The following BCO2 variants were observed in gnomAD, a reference collection of about 807,000 sequenced individuals.
BCO2 encodes the protein carotenoid-cleaving dioxygenase, mitochondrial.
In BCO2, 56 loss-of-function variants were observed where a neutral mutation model predicts 65.8. The ratio of observed to expected loss-of-function variants is 0.85; its 90% CI spans 0.69 to 1.06. The LOEUF (loss-of-function observed/expected upper bound fraction) is 1.06. Among genes scored for constraint, BCO2 ranks in the 50% least tolerant of loss-of-function variants. BCO2 has a pLI of 0.00. For missense variants in BCO2, 675 were observed against 698.5 expected (o/e 0.97, Z 0.38); for synonymous variants, 233 against 242.3 (o/e 0.96, Z 0.36).
chr11:112,216,959 G>C (rs1316780363), intron 11 of BCO2, among the ~76,000 whole-genome samples: 1 of 152,196 alleles, frequency 6.6e-6, no homozygotes, highest in Non-Finnish European at 1.5e-5. Flanking sequence ...AGCGATATCT[G>C]CCATGGGCTT....
intron 8 of BCO2, among the ~76,000 whole-genome samples, chr11:112,203,915 C>T (rs1038925860): frequency 1.3e-5 from 2 of 151,720 alleles, no homozygotes; most frequent in African/African-American, 2.4e-5. Context: ...AGTGCAGTGG[C>T]GCGATCTCGG....
chr11:112,184,913 T>A (rs1867160450), intron 2 of BCO2, among the ~76,000 whole-genome samples: 1 of 152,188 alleles, frequency 6.6e-6, no homozygotes, highest in Non-Finnish European at 1.5e-5. Flanking sequence ...GGGAATGACA[T>A]ATCTTTAGTA....
rs1169131508 is a variant in BCO2 at position 112,181,463 on chromosome 11, G to A, written c.293+1981G>A. 9 of 671,166 alleles carry A rather than the reference G, an allele frequency of 1.3e-5. No homozygotes were observed. The East Asian group carries it at 2.4e-4, about 18-fold the overall frequency. 41.6% of individuals were successfully genotyped at this position (671,166 alleles called of 1,614,324 possible). On this transcript the variant is annotated intron_variant, in intron 2 of 11. Coordinates refer to ENST00000357685, the MANE Select transcript of BCO2 (RefSeq NM_031938.7). The stretch of plus-strand genomic sequence containing the variant: ...CCCAAAGTGCTGGGATTACAGGCGT[G>A]AGCCACCGCGCCCGGCCGAGCTTTC...
rs999708138 is a variant in BCO2, at chr11:112,180,817, A to C, written c.293+1335A>C. ...TCCTGAACGGCAGCCCCAAGAACGG[A>C]AAGGTAGTTGTTGTATATGGAACTT... On this transcript the variant is annotated intron_variant, in intron 2 of 11. Transcript: ENST00000357685. 15 of 1,050,254 alleles carry C rather than the reference A, an allele frequency of 1.4e-5. No individual in the cohort carries two copies. In the African/African-American group the frequency reaches 2.3e-4, roughly 16 times the overall value. 65.1% of individuals were successfully genotyped at this position (1,050,254 alleles called of 1,614,324 possible).
At chr11:112,211,031 A>T (rs1859493762) in intron 8 of BCO2, among the ~76,000 whole-genome samples, 3 of 152,130 alleles carry the variant, frequency 2.0e-5, no homozygotes. Context: ...GTTGTGCAAC[A>T]TCACCACTAT....
At chr11:112,181,806 A>C (rs1276255463) in intron 2 of BCO2, 1 of 859,482 alleles carries the variant, frequency 1.2e-6, no homozygotes, top group Non-Finnish European at 2.0e-6. Flanking sequence ...CAAAATGGCC[A>C]GTTTAAGCTG....
At position 112,202,101 on chromosome 11, in the gene BCO2, A is replaced by C; in HGVS notation, c.1105A>C (p.Ile369Leu). The change falls in exon 8 of 12, where the codon ATA (isoleucine) becomes CTA (leucine). Residue 369 changes from isoleucine (I) to leucine (L), a missense_variant. Ile to Leu is a conservative substitution (Grantham distance 5). Transcript: ENST00000357685. ...INAFEDQGCV[I>L]IDLCCQDNGR... is the part of the protein sequence containing the mutation. ...TGCCTTTGAGGACCAGGGCTGTGTTATAATTGATTTGTGCTGTCAAGATAA... is the reference window on the plus strand; with the variant it reads ...TGCCTTTGAGGACCAGGGCTGTGTTCTAATTGATTTGTGCTGTCAAGATAA... 1.9e-6 allele frequency: 3 copies of C among 1,614,040 alleles called. No homozygotes were observed. The highest frequency in any genetic ancestry group is 2.5e-6 in the Non-Finnish European group (3 of 1,179,908).
At chr11:112,181,115 A>G (rs2135347610) in intron 2 of BCO2, 1 of 1,458,372 alleles carries the variant, frequency 6.9e-7, no homozygotes, top group Non-Finnish European at 9.6e-7. Flanking sequence ...ACCTGACAGT[A>G]TGCTGGCCCA....
intron 9 of BCO2, among the ~76,000 whole-genome samples, chr11:112,214,200 G>A (rs1324616987): frequency 6.6e-6 from 1 of 152,038 alleles, no homozygotes; most frequent in African/African-American, 2.4e-5. Context: ...AGACTGGAGT[G>A]CAGTGGTGCT....
intron 2 of BCO2, among the ~76,000 whole-genome samples, chr11:112,184,861 A>G (rs1251958133): frequency 6.6e-6 from 1 of 152,126 alleles, no homozygotes; most frequent in Non-Finnish European, 1.5e-5. Flanking sequence ...ACTCATCAAC[A>G]TGAGGCAAGG....
In BCO2 at chr11:112,202,226, AT is replaced by A. The variant is rs565267570; in HGVS notation, c.1194+40del. The A allele has an allele frequency of 6.9e-5, 108 of 1,563,546 alleles. No individual in the cohort carries two copies. In the African/African-American group the frequency reaches 1.4e-3, roughly 20 times the overall value. On this transcript the variant is annotated intron_variant, in intron 8 of 11. Transcript: ENST00000357685. ...GAATTTGTCAAGAGTCATCAAAATA[AT>A]TTTGAACTCCAAGATCTGGCTTTGG...
intron 2 of BCO2, chr11:112,181,307 A>G (rs1179743113): frequency 5.9e-5 from 32 of 540,704 alleles, no homozygotes; most frequent in African/African-American, 1.6e-4. Flanking sequence ...TCAGCCTCCC[A>G]AGTAGCTGGG....
chr11:112,200,433 A>G (rs112170950), intron 6 of BCO2, 180 bp from the exon 7 acceptor site: 34 of 527,990 alleles, frequency 6.4e-5, no homozygotes, highest in African/African-American at 6.1e-4. Flanking sequence ...TCCCTTTTTT[A>G]TAAAGGAACA....
rs1566774966 is a variant in BCO2, at chr11:112,189,403, A to AGTTT, written c.294-4071_294-4070insGTTT. ...ATTAAACAAAATTGATAGAAAAGGA[A>AGTTT]ATTTTTTTTTTTTTTTTTTTGAGAC... is the stretch of plus-strand genomic sequence containing the variant. On this transcript the variant is annotated intron_variant, in intron 2 of 11. Transcript: ENST00000357685. Among the ~76,000 whole-genome samples the AGTTT allele has an allele frequency of 1.5e-5, 2 of 136,174 alleles. 1 individual carries two copies. 89.3% of individuals were successfully genotyped at this position (136,174 alleles called of 152,430 possible).
rs143021103 is a variant in BCO2, at chr11:112,212,208, T to C, written c.1195-1516T>C. ...AGTATTTCAGAGAGGAAAATGGGCTTAAAGCACTTACTGTCAGGAAAAACA... is the reference window on the plus strand; with the variant it reads ...AGTATTTCAGAGAGGAAAATGGGCTCAAAGCACTTACTGTCAGGAAAAACA... On this transcript the variant is annotated intron_variant, in intron 8 of 11. Transcript: ENST00000357685. Among the ~76,000 whole-genome samples the C allele has an allele frequency of 5.4e-3, 820 of 152,354 alleles. 3 individuals carry two copies. The highest frequency in any genetic ancestry group is 7.2e-3 in the Non-Finnish European group (493 of 68,032).
At chr11:112,198,118 G>A (rs766986784) in intron 5 of BCO2, among the ~76,000 whole-genome samples, 37 of 152,100 alleles carry the variant, frequency 2.4e-4, no homozygotes, top group Admixed American at 5.2e-4. Context: ...CTGATACATT[G>A]TATTTTTACT....
In BCO2 at chr11:112,217,764, G is replaced by A. The variant is rs1350652976; in HGVS notation, c.1630G>A (p.Glu544Lys). Residue 544 changes from glutamate (E) to lysine (K), a missense_variant, in exon 12 of 12, where the codon GAA becomes AAA. Physicochemically the swap from Glu to Lys is moderately conservative, Grantham distance 56. Transcript: ENST00000357685. ...AATATTGTCTTTTCTTTTCTAGAAT[G>A]AAAGCAATTTTATCCTAGTTTTGGA... ...LSVVITPNQN[E>K]SNFILVLDAK... 3.1e-6 allele frequency: 5 copies of A among 1,607,864 alleles called. No homozygotes were observed. Among genetic ancestry groups the A allele is most frequent in the South Asian group, 1.1e-5 (1 of 90,676 alleles).
At chr11:112,216,787 A>T (rs1213311298) in intron 11 of BCO2, among the ~76,000 whole-genome samples, 1 of 152,232 alleles carries the variant, frequency 6.6e-6, no homozygotes, top group African/African-American at 2.4e-5. Flanking sequence ...GTCCTGGTCC[A>T]GTGTCCCAAT....
At chr11:112,199,654 T>C (rs1395857231) in intron 5 of BCO2, 45 bp from the exon 6 acceptor site, 13 of 1,579,602 alleles carry the variant, frequency 8.2e-6, no homozygotes, top group Non-Finnish European at 1.1e-5. Context: ...TCTTTTAATC[T>C]AGAATATATG....
Sources: allele counts gnomAD v4.1 joint callset (sites outside exome capture counted in the v4.1 genomes callset), GRCh38; gene constraint gnomAD v4.1.1; transcripts MANE v1.5; gene names NCBI Gene and HGNC (gene_info 2026-07-23, HGNC 2026-07-21).